The following LRRC7 variants were observed in gnomAD, a reference collection of about 807,000 sequenced individuals.
LRRC7 encodes the protein leucine rich repeat containing 7, also known as leucine-rich repeat-containing protein 7.
A neutral mutation model predicts 175.7 loss-of-function variants in LRRC7; 23 were observed. The ratio of observed to expected loss-of-function variants is 0.13; its 90% CI spans 0.09 to 0.19. The LOEUF (loss-of-function observed/expected upper bound fraction) is 0.19, where lower values mean the gene tolerates loss of function less well. Among genes scored for constraint, LRRC7 ranks in the 10% least tolerant of loss-of-function variants. The pLI is 1.00. For synonymous variants in LRRC7, 685 were observed against 680.9 expected (o/e 1.01, Z -0.09); for missense variants, 1,354 against 1,904.7 (o/e 0.71, Z 5.38).
At chr1:69,678,146 A>G (rs1176516095) in intron 1 of LRRC7, among the ~76,000 whole-genome samples, 2 of 152,068 alleles carry the variant, frequency 1.3e-5, no homozygotes, top group East Asian at 1.9e-4. Context: ...GAGAATGTGC[A>G]TAAGTTTCAT....
intron 25 of LRRC7, among the ~76,000 whole-genome samples, chr1:70,095,129 A>C (rs1187347680): frequency 6.6e-6 from 1 of 152,172 alleles, no homozygotes; most frequent in Non-Finnish European, 1.5e-5. Flanking sequence ...TTCCACTTCA[A>C]GTGATTATGT....
intron 23 of LRRC7, among the ~76,000 whole-genome samples, chr1:70,064,576 A>C (rs1393167248): frequency 6.6e-6 from 1 of 151,886 alleles, no homozygotes. Flanking sequence ...CTGTTAAATA[A>C]CCTCAACACC....
At chr1:69,859,003 G>A (rs546879675) in intron 7 of LRRC7, among the ~76,000 whole-genome samples, 1 of 152,138 alleles carries the variant, frequency 6.6e-6, no homozygotes, top group Non-Finnish European at 1.5e-5. Context: ...AATATTGACA[G>A]ATCTGAAAGG....
chr1:69,936,384 A>G (rs2101785599), intron 8 of LRRC7, among the ~76,000 whole-genome samples: 1 of 152,328 alleles, frequency 6.6e-6, no homozygotes, highest in East Asian at 1.9e-4. Flanking sequence ...TTAGGCATCA[A>G]CATGACATAC....
intron 8 of LRRC7, among the ~76,000 whole-genome samples, chr1:69,979,240 T>TA (rs535555834): frequency 2.3e-4 from 35 of 152,112 alleles, no homozygotes; most frequent in Non-Finnish European, 3.8e-4. Flanking sequence ...CCCAAAGTGG[T>TA]AAAAAACAAA....
At chr1:69,721,168 G>A (rs1012858929) in intron 2 of LRRC7, among the ~76,000 whole-genome samples, 11 of 151,590 alleles carry the variant, frequency 7.3e-5, no homozygotes, top group African/African-American at 1.9e-4. Flanking sequence ...CCCCACTACC[G>A]ACATCCCACA....
chr1:69,792,625 A>G (rs2101063300), intron 4 of LRRC7, among the ~76,000 whole-genome samples: 1 of 152,160 alleles, frequency 6.6e-6, no homozygotes, highest in Admixed American at 6.5e-5. Flanking sequence ...TCCTATGGTT[A>G]TGGTATATTT....
chr1:69,867,090 A>C lies in LRRC7; in HGVS notation c.647+28807A>C, dbSNP rs535454561. On this transcript the variant is annotated intron_variant, in intron 7 of 26. Transcript: ENST00000651989. ...TCAAAGGAATTTAGAAATGTGAAAA[A>C]ATAGTTTTTATTTTCGTTCTGATTA... Among the ~76,000 whole-genome samples, 17 of 152,282 alleles carry C rather than the reference A, an allele frequency of 1.1e-4. 1 individual carries two copies. The South Asian group carries it at 2.7e-3, about 24-fold the overall frequency.
Position 70,131,106 on chromosome 1 carries a change from A to C in LRRC7, c.*9219A>C, listed in dbSNP as rs183932257. Among the ~76,000 whole-genome samples the C allele has an allele frequency of 3.6e-4, 55 of 152,346 alleles. No homozygotes were observed. The highest frequency in any genetic ancestry group is 1.3e-3 in the African/African-American group (54 of 41,578). On this transcript the variant is annotated 3_prime_UTR_variant, in exon 27 of 27. Coordinates refer to ENST00000651989, the MANE Select transcript of LRRC7 (RefSeq NM_001370785.2). ...ATAATTGATATGATTAACTATTTAG[A>C]TAGAGCACAGAAAAAAAATCAGGGT...
At chr1:70,001,962 G>A (rs1655577062) in intron 11 of LRRC7, among the ~76,000 whole-genome samples, 1 of 152,142 alleles carries the variant, frequency 6.6e-6, no homozygotes, top group Admixed American at 6.6e-5. Flanking sequence ...GAAGTCACCA[G>A]ACTTCAATGC....
chr1:69,938,126 A>C (rs910857142), intron 8 of LRRC7, among the ~76,000 whole-genome samples: 7 of 152,058 alleles, frequency 4.6e-5, no homozygotes, highest in Admixed American at 4.6e-4. Context: ...AAAGAAAACA[A>C]TATTTAATTT....
rs543254295 is a variant in LRRC7 at position 69,710,258 on chromosome 1, G to A, written c.100+31780G>A. Among the ~76,000 whole-genome samples, 13 of 111,322 alleles carry A rather than the reference G, an allele frequency of 1.2e-4. No homozygotes were observed. In the South Asian group the frequency reaches 2.6e-3, roughly 23 times the overall value. 73.0% of individuals were successfully genotyped at this position (111,322 alleles called of 152,430 possible). The stretch of plus-strand genomic sequence containing the variant: ...CACGCCACTGCTCCCCAGCCTGGGC[G>A]ACATAGCAAGACTCCGTCTCAAAAA... On this transcript the variant is annotated intron_variant, in intron 2 of 26. Coordinates refer to ENST00000651989, the MANE Select transcript of LRRC7 (RefSeq NM_001370785.2).
At chr1:69,645,976 C>T (rs941457752) in intron 1 of LRRC7, among the ~76,000 whole-genome samples, 1 of 151,862 alleles carries the variant, frequency 6.6e-6, no homozygotes, top group Non-Finnish European at 1.5e-5. Flanking sequence ...AGTTTTATAC[C>T]TCAGAATGGA....
intron 1 of LRRC7, among the ~76,000 whole-genome samples, chr1:69,654,965 G>A (rs1342520389): frequency 6.6e-6 from 1 of 151,998 alleles, no homozygotes; most frequent in Admixed American, 6.6e-5. Flanking sequence ...GCTTCAACTT[G>A]GATGTCCTGT....
At chr1:69,918,496 A>C (rs1311908889) in intron 7 of LRRC7, among the ~76,000 whole-genome samples, 1 of 152,178 alleles carries the variant, frequency 6.6e-6, no homozygotes, top group Admixed American at 6.5e-5. Flanking sequence ...TTTTTGGACA[A>C]TTTGACAGAA....
At chr1:69,741,757 G>A (rs1366487981) in intron 2 of LRRC7, among the ~76,000 whole-genome samples, 1 of 151,844 alleles carries the variant, frequency 6.6e-6, no homozygotes, top group Non-Finnish European at 1.5e-5. Context: ...TTATTCACTG[G>A]ATTTTTTTTT....
At chr1:70,059,517 G>GTGTGTGTGTGTGT (rs1558034955) in intron 23 of LRRC7, among the ~76,000 whole-genome samples, 1 of 140,366 alleles carries the variant, frequency 7.1e-6, no homozygotes, top group African/African-American at 2.7e-5. Context: ...GTGTGTGTGT[G>GTGTGTGTGTGTGT]GTCATTTTCA....
intron 4 of LRRC7, among the ~76,000 whole-genome samples, chr1:69,795,444 A>T (rs1013891445): frequency 6.6e-6 from 1 of 152,160 alleles, no homozygotes; most frequent in African/African-American, 2.4e-5. Flanking sequence ...AACATAATAC[A>T]TCCTTTGGGA....
chr1:69,956,704 T>A (rs576755567), intron 8 of LRRC7, among the ~76,000 whole-genome samples: 1 of 151,678 alleles, frequency 6.6e-6, no homozygotes, highest in Non-Finnish European at 1.5e-5. Flanking sequence ...TAGAATGTAT[T>A]GTAAAAATAG....
Sources: allele counts gnomAD v4.1 joint callset (sites outside exome capture counted in the v4.1 genomes callset), GRCh38; gene constraint gnomAD v4.1.1; transcripts MANE v1.5; gene names NCBI Gene and HGNC (gene_info 2026-07-23, HGNC 2026-07-21).